The following PRELID3A variants were observed in gnomAD, a reference collection of about 807,000 sequenced individuals.
The protein encoded by PRELID3A is PRELI domain containing protein 3A.
PRELID3A carries 27 observed loss-of-function variants against 23.0 expected under a neutral mutation model. The observed-to-expected ratio is 1.17, with a 90% confidence interval of 0.87 to 1.62. The LOEUF is 1.62. Among genes scored for constraint, PRELID3A ranks in the 40% most tolerant of loss-of-function variants. The pLI is 0.00. For missense variants in PRELID3A, 231 were observed against 231.4 expected (o/e 1.00, Z 0.01); for synonymous variants, 87 against 86.4 (o/e 1.01, Z -0.04).
intron 1 of PRELID3A, among the ~76,000 whole-genome samples, chr18:12,409,110 TTTTA>T (rs1375106508): frequency 2.0e-5 from 3 of 151,922 alleles, no homozygotes; most frequent in Admixed American, 6.6e-5. Context: ...CTTTGACTCT[TTTTA>T]TTTATTTTTT....
chr18:12,408,823 G>A (rs1351955337), intron 1 of PRELID3A, among the ~76,000 whole-genome samples: 1 of 152,148 alleles, frequency 6.6e-6, no homozygotes, highest in Non-Finnish European at 1.5e-5. Context: ...CCCGGGTAAT[G>A]CATACCCTAG....
chr18:12,408,145 G>C (rs1053272139), intron 1 of PRELID3A, 138 bp downstream of exon 1: 5 of 787,410 alleles, frequency 6.3e-6, no homozygotes, highest in Non-Finnish European at 8.5e-6. Context: ...GCCGTTCCCA[G>C]ACCGCAACTT....
At chr18:12,408,866 A>C (rs1488754196) in intron 1 of PRELID3A, among the ~76,000 whole-genome samples, 6 of 152,350 alleles carry the variant, frequency 3.9e-5, no homozygotes, top group Non-Finnish European at 7.3e-5. Flanking sequence ...AAATTTATGC[A>C]TGTAACGAAA....
chr18:12,428,367 G>C (rs570144283), intron 5 of PRELID3A, among the ~76,000 whole-genome samples: 1 of 152,218 alleles, frequency 6.6e-6, no homozygotes, highest in Admixed American at 6.5e-5. Context: ...TTTTCACCTG[G>C]GCCCGCCTCA....
intron 1 of PRELID3A, among the ~76,000 whole-genome samples, chr18:12,409,736 G>T (rs1909850820): frequency 6.6e-6 from 1 of 152,130 alleles, no homozygotes; most frequent in Admixed American, 6.5e-5. Context: ...CTAGAGGTTT[G>T]TGAAATGTCT....
intron 5 of PRELID3A, 38 bp downstream of exon 5, chr18:12,427,361 A>G (rs777409460): frequency 5.1e-6 from 7 of 1,381,576 alleles, no homozygotes; most frequent in Middle Eastern, 1.8e-4. Flanking sequence ...TGTGTGCTCT[A>G]GTTGTTAAGT....
chr18:12,419,591 G>A (rs891638759), intron 1 of PRELID3A, among the ~76,000 whole-genome samples: 19 of 131,300 alleles, frequency 1.4e-4, no homozygotes, highest in African/African-American at 4.9e-4. Flanking sequence ...ATCGTGCCAC[G>A]GCACTCCAGC....
chr18:12,430,588 A>C (rs1317421278), intron 6 of PRELID3A, among the ~76,000 whole-genome samples: 3 of 139,878 alleles, frequency 2.1e-5, no homozygotes, highest in Non-Finnish European at 3.1e-5. Flanking sequence ...GTGCTGTGTG[A>C]TGTGTATATG....
intron 1 of PRELID3A, among the ~76,000 whole-genome samples, chr18:12,408,601 C>T (rs1255000367): frequency 2.0e-5 from 3 of 152,080 alleles, no homozygotes; most frequent in African/African-American, 2.4e-5. Context: ...TAAAAATGCT[C>T]CCCCGGCACA....
intron 1 of PRELID3A, among the ~76,000 whole-genome samples, chr18:12,409,513 C>CA (rs1909844774): frequency 6.6e-6 from 1 of 152,024 alleles, no homozygotes; most frequent in Non-Finnish European, 1.5e-5. Context: ...CAAGTGGTTT[C>CA]AAAACCTCTG....
At chr18:12,420,528 C>A in intron 2 of PRELID3A, 35 bp downstream of exon 2, 2 of 1,478,020 alleles carry the variant, frequency 1.4e-6, no homozygotes, top group Non-Finnish European at 1.8e-6. Flanking sequence ...CCGAACGCGC[C>A]CGACTCCCCC....
rs553062618 is a variant in PRELID3A at position 12,411,703 on chromosome 18, T to TA, written c.32+3697dup. On this transcript the variant is annotated intron_variant, in intron 1 of 6. Coordinates refer to ENST00000440960, the MANE Select transcript of PRELID3A (RefSeq NM_001142405.2). ...AGTCATGCCTAAAGCAGGCTTGCCT[T>TA]ACAGCTAGGAGCAGGGAAGAGAAAT... is the stretch of plus-strand genomic sequence containing the variant. Among the ~76,000 whole-genome samples the TA allele has an allele frequency of 3.0e-4, 46 of 152,250 alleles. No individual in the cohort carries two copies. In the East Asian group the frequency reaches 5.4e-3, roughly 18 times the overall value.
At chr18:12,408,248 G>A (rs532131872) in intron 1 of PRELID3A, among the ~76,000 whole-genome samples, 88 of 151,920 alleles carry the variant, frequency 5.8e-4, no homozygotes, top group African/African-American at 2.0e-3. Flanking sequence ...CGTGCGCAGG[G>A]GCCTGGCTGC....
In PRELID3A at chr18:12,420,376, G is replaced by A. The variant is rs139581330; in HGVS notation, c.84G>A (p.Pro28=). The A allele has an allele frequency of 7.0e-5, 113 of 1,611,288 alleles. 1 individual carries two copies. The African/African-American group carries it at 1.3e-3, about 19-fold the overall frequency. Residue 28 remains proline (P), a synonymous_variant, in exon 2 of 7, where the codon CCG becomes CCA. Transcript: ENST00000440960. ...CGGCCATGCGCAAGTACCCGAACCC[G>A]ATGAACCCGAGCGTGCTGGGCGTGG... is the stretch of plus-strand genomic sequence containing the variant. ...IQAAMRKYPN[P]MNPSVLGVDV...
Position 12,408,296 on chromosome 18 carries a change from G to T in PRELID3A, c.32+289G>T, listed in dbSNP as rs551473533. Among the ~76,000 whole-genome samples, 358 of 151,618 alleles carry T rather than the reference G, an allele frequency of 2.4e-3. 1 individual carries two copies. The highest frequency in any genetic ancestry group is 6.6e-3 in the African/African-American group (275 of 41,424). On this transcript the variant is annotated intron_variant, in intron 1 of 6. Coordinates refer to ENST00000440960, the MANE Select transcript of PRELID3A (RefSeq NM_001142405.2). ...CCCGCTGGTGGTCGACAGCCAGGGC[G>T]GGGGCAGCCGGAGCGGGGGCGGCCG... is the stretch of plus-strand genomic sequence containing the variant.
chr18:12,416,138 T>C (rs1028291877), intron 1 of PRELID3A, among the ~76,000 whole-genome samples: 2 of 152,200 alleles, frequency 1.3e-5, no homozygotes, highest in African/African-American at 4.8e-5. Context: ...TTTCAGCTTC[T>C]CTGGGTAAAC....
intron 3 of PRELID3A, 87 bp from the exon 4 acceptor site, chr18:12,426,954 G>A: frequency 2.2e-6 from 2 of 919,334 alleles, no homozygotes; most frequent in Non-Finnish European, 3.5e-6. Context: ...CCCACTAAGT[G>A]CTAATTTTGG....
At chr18:12,426,563 A>AAAAAAAAAAAAAAAAAAAG (rs67993774) in intron 3 of PRELID3A, among the ~76,000 whole-genome samples, 3,197 of 87,536 alleles carry the variant, frequency 0.037, 463 homozygotes, top group Non-Finnish European at 0.046. Flanking sequence ...CAAAAAAAAA[A>AAAAAAAAAAAAAAAAAAAG]AAAGTATAAA....
chr18:12,409,066 GA>G (rs951192669), intron 1 of PRELID3A, among the ~76,000 whole-genome samples: 63 of 150,012 alleles, frequency 4.2e-4, no homozygotes, highest in African/African-American at 1.4e-3. Context: ...ATTTTGGGGG[GA>G]AAAAAAGTAC....
Sources: allele counts gnomAD v4.1 joint callset (sites outside exome capture counted in the v4.1 genomes callset), GRCh38; gene constraint gnomAD v4.1.1; transcripts MANE v1.5; gene names NCBI Gene and HGNC (gene_info 2026-07-23, HGNC 2026-07-21).